BCHE: variants seen among roughly 807,000 people sequenced by gnomAD.
The protein encoded by BCHE is cholinesterase.
BCHE carries 48 observed loss-of-function variants against 51.3 expected under a neutral mutation model. That is an observed-to-expected ratio of 0.94 (90% CI 0.74 to 1.19). The LOEUF (loss-of-function observed/expected upper bound fraction) is 1.19. Among genes scored for constraint, BCHE ranks in the 50% most tolerant of loss-of-function variants. The pLI, the probability that BCHE is intolerant of heterozygous loss-of-function variation, is 0.00. For synonymous variants in BCHE, 251 were observed against 238.0 expected (o/e 1.05, Z -0.50); for missense variants, 847 against 708.2 (o/e 1.20, Z -2.23).
At chr3:165,811,096 C>A in intron 2 of BCHE, among the ~76,000 whole-genome samples, 1 of 151,948 alleles carries the variant, frequency 6.6e-6, no homozygotes, top group East Asian at 1.9e-4. Flanking sequence ...TTTAAAAAAT[C>A]AGTCATGAAA....
intron 2 of BCHE, among the ~76,000 whole-genome samples, chr3:165,826,137 C>T (rs1182593029): frequency 6.6e-6 from 1 of 151,992 alleles, no homozygotes; most frequent in East Asian, 1.9e-4. Flanking sequence ...CCTGCAATTC[C>T]TCTCACTTTT....
chr3:165,794,939 G>A (rs2108208977), intron 2 of BCHE, among the ~76,000 whole-genome samples: 1 of 152,108 alleles, frequency 6.6e-6, no homozygotes, highest in South Asian at 2.1e-4. Flanking sequence ...TTGAGCTTCA[G>A]AGAAAATCAG....
At chr3:165,831,763 A>C (rs1714996487) in intron 1 of BCHE, among the ~76,000 whole-genome samples, 1 of 152,184 alleles carries the variant, frequency 6.6e-6, no homozygotes, top group African/African-American at 2.4e-5. Flanking sequence ...AAGGCTGAGG[A>C]TATATTCCAG....
At chr3:165,798,275 G>A (rs372059196) in intron 2 of BCHE, among the ~76,000 whole-genome samples, 15 of 152,222 alleles carry the variant, frequency 9.9e-5, no homozygotes, top group African/African-American at 3.4e-4. Context: ...GTGTGTCTGT[G>A]TGTGTGTGTG....
At chr3:165,821,195 T>C (rs1260629949) in intron 2 of BCHE, among the ~76,000 whole-genome samples, 2 of 152,022 alleles carry the variant, frequency 1.3e-5, no homozygotes, top group South Asian at 2.1e-4. Flanking sequence ...AAGAATTGTA[T>C]TGTGGTAAAG....
chr3:165,773,344 T>C lies in BCHE; in HGVS notation c.*38A>G, dbSNP rs1466876355. On this transcript the variant is annotated 3_prime_UTR_variant, in exon 4 of 4. Coordinates refer to ENST00000264381, the MANE Select transcript of BCHE (RefSeq NM_000055.4). ...AGCTCCTGATATTTTTGCCTTGATC[T>C]AAAGGAAAATATGTTCTATAAAGGG... The C allele has an allele frequency of 1.9e-6, 3 of 1,589,868 alleles. No individual in the cohort carries two copies. Among genetic ancestry groups the C allele is most frequent in the African/African-American group, 2.7e-5 (2 of 74,278 alleles).
Position 165,779,285 on chromosome 3 carries a change from G to C in BCHE, c.1685-5779C>G, listed in dbSNP as rs1712591808. On this transcript the variant is annotated intron_variant, in intron 3 of 3. Coordinates refer to ENST00000264381, the MANE Select transcript of BCHE (RefSeq NM_000055.4). The stretch of plus-strand genomic sequence containing the variant: ...GATGGAACATATCTCAAAATAATAA[G>C]AGCTATTTATGACAAACCCATAGCC... Among the ~76,000 whole-genome samples, 4 of 151,922 alleles carry C rather than the reference G, an allele frequency of 2.6e-5. No individual in the cohort carries two copies. The South Asian group carries it at 8.3e-4, about 32-fold the overall frequency.
intron 2 of BCHE, among the ~76,000 whole-genome samples, chr3:165,810,860 G>T (rs1014930356): frequency 6.6e-6 from 1 of 152,112 alleles, no homozygotes; most frequent in African/African-American, 2.4e-5. Context: ...GACACACCAT[G>T]ACATATCCAG....
intron 2 of BCHE, chr3:165,827,892 T>A (rs1560021864): frequency 2.9e-6 from 1 of 342,046 alleles, no homozygotes; most frequent in Non-Finnish European, 5.7e-6. Context: ...AACCCACATA[T>A]CTTGAAAAGG....
intron 2 of BCHE, among the ~76,000 whole-genome samples, chr3:165,795,837 C>G (rs1363383710): frequency 6.6e-6 from 1 of 151,974 alleles, no homozygotes; most frequent in Non-Finnish European, 1.5e-5. Context: ...GCTTATTAAA[C>G]TTTTACTGTT....
At chr3:165,819,569 TGAG>T (rs1714439093) in intron 2 of BCHE, among the ~76,000 whole-genome samples, 1 of 152,162 alleles carries the variant, frequency 6.6e-6, no homozygotes, top group African/African-American at 2.4e-5. Flanking sequence ...GTTTATACAA[TGAG>T]AAGAGTGTTA....
At chr3:165,800,790 G>A (rs1713606718) in intron 2 of BCHE, among the ~76,000 whole-genome samples, 1 of 152,104 alleles carries the variant, frequency 6.6e-6, no homozygotes, top group African/African-American at 2.4e-5. Context: ...TGCCTGACAT[G>A]TGCCAGGAAT....
chr3:165,773,228 A>G lies in BCHE; in HGVS notation c.*154T>C, dbSNP rs1029682736. 4 of 671,100 alleles carry G rather than the reference A, an allele frequency of 6.0e-6. No individual in the cohort carries two copies. Among genetic ancestry groups the G allele is most frequent in the Non-Finnish European group, 7.3e-6 (3 of 412,290 alleles). 41.6% of individuals were successfully genotyped at this position (671,100 alleles called of 1,614,324 possible). ...ATTTGGGTTTTGAAATGCTAGGTAAAATACTAAGTTAAAGATGTGAGGAAT... is the reference window on the plus strand; with the variant it reads ...ATTTGGGTTTTGAAATGCTAGGTAAGATACTAAGTTAAAGATGTGAGGAAT... On this transcript the variant is annotated 3_prime_UTR_variant, in exon 4 of 4. Transcript: ENST00000264381.
chr3:165,818,272 A>G (rs955733039), intron 2 of BCHE, among the ~76,000 whole-genome samples: 1 of 152,016 alleles, frequency 6.6e-6, no homozygotes, highest in Non-Finnish European at 1.5e-5. Flanking sequence ...AAATTATAAA[A>G]TGTCATTTTG....
intron 3 of BCHE, among the ~76,000 whole-genome samples, chr3:165,781,395 T>A (rs1025793280): frequency 1.3e-5 from 2 of 152,102 alleles, no homozygotes; most frequent in African/African-American, 4.8e-5. Context: ...TGGAATACTA[T>A]GAAGTCATAA....
At chr3:165,801,131 A>T (rs1278149608) in intron 2 of BCHE, among the ~76,000 whole-genome samples, 1 of 152,144 alleles carries the variant, frequency 6.6e-6, no homozygotes, top group African/African-American at 2.4e-5. Flanking sequence ...GCTGGACTTT[A>T]CAGCTCTCAT....
intron 2 of BCHE, among the ~76,000 whole-genome samples, chr3:165,804,958 G>T (rs77181712): frequency 1.9e-3 from 283 of 152,268 alleles, no homozygotes; most frequent in African/African-American, 6.6e-3. Context: ...CAGTTTATTT[G>T]TATGAACACT....
chr3:165,834,625 A>C (rs1715121599), intron 1 of BCHE, among the ~76,000 whole-genome samples: 1 of 152,058 alleles, frequency 6.6e-6, no homozygotes, highest in Non-Finnish European at 1.5e-5. Context: ...GCTACTCTGT[A>C]GTTTTGCCAT....
At chr3:165,780,045 T>C (rs1239834998) in intron 3 of BCHE, among the ~76,000 whole-genome samples, 1 of 152,114 alleles carries the variant, frequency 6.6e-6, no homozygotes, top group Non-Finnish European at 1.5e-5. Flanking sequence ...AACAGCATGG[T>C]ATTACTACCA....
Sources: allele counts gnomAD v4.1 joint callset (sites outside exome capture counted in the v4.1 genomes callset), GRCh38; gene constraint gnomAD v4.1.1; transcripts MANE v1.5; gene names NCBI Gene and HGNC (gene_info 2026-07-23, HGNC 2026-07-21).